The following COL23A1 variants were observed in gnomAD, a reference collection of about 807,000 sequenced individuals.
The protein encoded by COL23A1 is collagen alpha-1(XXIII) chain.
A neutral mutation model predicts 99.3 loss-of-function variants in COL23A1; 97 were observed. The observed-to-expected ratio is 0.98, with a 90% CI of 0.83 to 1.16. COL23A1 has a LOEUF of 1.16. Among genes scored for constraint, COL23A1 ranks in the 50% most tolerant of loss-of-function variants. The probability of loss-of-function intolerance (pLI) is 0.00; values close to 1 mark genes in which losing one functional copy is unlikely to be tolerated. For synonymous variants in COL23A1, 320 were observed against 308.2 expected, an observed-to-expected ratio of 1.04 and a Z score of -0.40; for missense variants, 762 against 757.4, an observed-to-expected ratio of 1.01 and a Z score of -0.07.
chr5:178,451,656 CAAAAA>C (rs5873614), intron 2 of COL23A1, among the ~76,000 whole-genome samples: 22 of 105,590 alleles, frequency 2.1e-4, no homozygotes, highest in Admixed American at 4.4e-4. Context: ...AACTCCATCT[CAAAAA>C]AAAAAAAAAA....
At chr5:178,331,735 C>T (rs1416571278) in intron 2 of COL23A1, among the ~76,000 whole-genome samples, 1 of 152,210 alleles carries the variant, frequency 6.6e-6, no homozygotes, top group African/African-American at 2.4e-5. Context: ...TTAATCCCAG[C>T]TGTTATCAGC....
chr5:178,454,576 T>G (rs182773250), intron 2 of COL23A1, among the ~76,000 whole-genome samples: 347 of 152,156 alleles, frequency 2.3e-3, no homozygotes, highest in Non-Finnish European at 4.1e-3. Context: ...GCCTGTGAAA[T>G]GGGCATAATC....
intron 1 of COL23A1, among the ~76,000 whole-genome samples, chr5:178,561,680 G>GA (rs951446291): frequency 3.5e-4 from 53 of 151,604 alleles, no homozygotes; most frequent in African/African-American, 9.4e-4. Flanking sequence ...TTCTCTAGGG[G>GA]AAAAAAAAAT....
chr5:178,430,653 C>G (rs1766210473), intron 2 of COL23A1, among the ~76,000 whole-genome samples: 1 of 152,190 alleles, frequency 6.6e-6, no homozygotes, highest in Admixed American at 6.5e-5. Context: ...AGAAAGGAAA[C>G]TAACAAAGTT....
In COL23A1 at chr5:178,415,435, C is replaced by A. The variant is rs771185348; in HGVS notation, c.362-108516G>T. Among the ~76,000 whole-genome samples the A allele has an allele frequency of 2.6e-5, 4 of 152,278 alleles. No individual in the cohort carries two copies. The highest frequency in any genetic ancestry group is 2.6e-4 in the Admixed American group (4 of 15,306). On this transcript the variant is annotated intron_variant, in intron 2 of 28. Transcript: ENST00000390654. This position sits in a 1 kb window ranked among gnomAD's most constrained non-coding sequence, Gnocchi z 4.6. ...GCACAGGCTGTGGCCTCTTTCTCCC[C>A]GGGCCCGGGCCCTGGAGCACGGCTC...
At chr5:178,534,539 G>C (rs1026791349) in intron 2 of COL23A1, among the ~76,000 whole-genome samples, 1 of 152,180 alleles carries the variant, frequency 6.6e-6, no homozygotes, top group Non-Finnish European at 1.5e-5. Flanking sequence ...CCAGCAATTT[G>C]GGAGGCCAAG....
At chr5:178,383,653 A>ACCTGGGCCCT (rs1763504360) in intron 2 of COL23A1, among the ~76,000 whole-genome samples, 1 of 152,182 alleles carries the variant, frequency 6.6e-6, no homozygotes, top group Admixed American at 6.5e-5. Flanking sequence ...TTTCGTGGGA[A>ACCTGGGCCCT]CCTGGGCCCT....
intron 2 of COL23A1, among the ~76,000 whole-genome samples, chr5:178,346,198 TTTTA>T (rs1185921600): frequency 3.3e-5 from 5 of 152,108 alleles, no homozygotes; most frequent in East Asian, 1.9e-4. Context: ...AAATTGATCT[TTTTA>T]TTTATTTATT....
chr5:178,275,075 C>G (rs932016000), intron 5 of COL23A1, among the ~76,000 whole-genome samples: 7 of 152,240 alleles, frequency 4.6e-5, no homozygotes, highest in Non-Finnish European at 8.8e-5. Context: ...GGATGGGCAG[C>G]CCTCCCCCAG....
intron 1 of COL23A1, among the ~76,000 whole-genome samples, chr5:178,571,991 C>T (rs1460866478): frequency 2.0e-5 from 3 of 149,424 alleles, no homozygotes; most frequent in African/African-American, 7.5e-5. Flanking sequence ...TGGCGTGAAC[C>T]TGAGAGGCGG....
chr5:178,481,344 GACAC>G (rs943819261), intron 2 of COL23A1, among the ~76,000 whole-genome samples: 3 of 151,964 alleles, frequency 2.0e-5, no homozygotes, highest in African/African-American at 7.3e-5. Flanking sequence ...TCTTGGATAT[GACAC>G]ACAGCAGAAG....
intron 2 of COL23A1, among the ~76,000 whole-genome samples, chr5:178,321,842 G>A (rs1010045588): frequency 9.5e-5 from 14 of 148,126 alleles, no homozygotes; most frequent in Middle Eastern, 8.3e-3. Context: ...GATAGACTAC[G>A]TTTACTCTGT....
chr5:178,297,574 C>T (rs573300765), intron 3 of COL23A1, among the ~76,000 whole-genome samples: 4 of 152,296 alleles, frequency 2.6e-5, no homozygotes, highest in Admixed American at 6.5e-5. Context: ...TCACCCTTCC[C>T]CCATTGGTTT....
chr5:178,496,207 G>T (rs1184570825), intron 2 of COL23A1, among the ~76,000 whole-genome samples: 1 of 152,144 alleles, frequency 6.6e-6, no homozygotes, highest in Non-Finnish European at 1.5e-5. Context: ...CAGAATGTGT[G>T]TTAGTATACT....
At chr5:178,542,756 C>T (rs966401182) in intron 2 of COL23A1, among the ~76,000 whole-genome samples, 2 of 152,102 alleles carry the variant, frequency 1.3e-5, no homozygotes, top group Admixed American at 6.5e-5. Flanking sequence ...CCTTTGATGG[C>T]GTTTTGGTGT....
chr5:178,348,729 A>G (rs1450187447), intron 2 of COL23A1, among the ~76,000 whole-genome samples: 1 of 151,930 alleles, frequency 6.6e-6, no homozygotes, highest in African/African-American at 2.4e-5. Flanking sequence ...CCACCTTCCT[A>G]AGTCTGATTT....
intron 2 of COL23A1, among the ~76,000 whole-genome samples, chr5:178,435,386 T>A (rs962280525): frequency 6.6e-6 from 1 of 152,144 alleles, no homozygotes; most frequent in Non-Finnish European, 1.5e-5. Flanking sequence ...TTCACCTATA[T>A]GTGGGGTGAT....
chr5:178,344,317 C>T (rs1470344731), intron 2 of COL23A1, among the ~76,000 whole-genome samples: 2 of 152,192 alleles, frequency 1.3e-5, no homozygotes, highest in Admixed American at 6.5e-5. Flanking sequence ...GTATTTTACA[C>T]AGTTGTTTAG....
intron 2 of COL23A1, among the ~76,000 whole-genome samples, chr5:178,509,179 C>T (rs1442293171): frequency 1.3e-5 from 2 of 151,802 alleles, no homozygotes; most frequent in African/African-American, 2.4e-5. Flanking sequence ...CACCCCCGCC[C>T]ACCCCACCGG....
Sources: gnomAD v4.1 joint callset for allele counts (sites outside exome capture counted in the v4.1 genomes callset) on GRCh38, gnomAD v4.1.1 for gene constraint, Gnocchi (gnomAD v3.1) non-coding constraint, MANE v1.5 for transcripts, NCBI Gene and HGNC (gene_info 2026-07-23, HGNC 2026-07-21) for gene names.